RANBP2: variants seen among roughly 807,000 people sequenced by gnomAD.
RANBP2 encodes the protein RAN binding protein 2.
Under a neutral mutation model 303.6 loss-of-function variants are expected in RANBP2, and 57 were observed. That is an observed-to-expected ratio of 0.19 (90% confidence interval 0.15 to 0.23). RANBP2 has a LOEUF of 0.23. Among genes scored for constraint, RANBP2 ranks in the 10% least tolerant of loss-of-function variants. The pLI is 1.00. For synonymous variants in RANBP2, 1,167 were observed against 1,301.5 expected (o/e 0.90, Z 2.23); for missense variants, 3,138 against 3,780.8 (o/e 0.83, Z 4.46).
At chr2:109,338,701 G>T in the RANBP2 span, among the ~76,000 whole-genome samples, 1 of 152,156 alleles carries the variant, frequency 6.6e-6, no homozygotes, top group Non-Finnish European at 1.5e-5. Context: ...GTGACTACAG[G>T]CATGCGCCAC....
the RANBP2 span, among the ~76,000 whole-genome samples, chr2:109,065,526 G>A: frequency 1.3e-5 from 2 of 152,156 alleles, no homozygotes; most frequent in African/African-American, 2.4e-5. Flanking sequence ...TGGATCATGC[G>A]CAGCCCCAAG....
the RANBP2 span, among the ~76,000 whole-genome samples, chr2:109,529,526 A>C: frequency 6.6e-6 from 1 of 152,198 alleles, no homozygotes; most frequent in African/African-American, 2.4e-5. Flanking sequence ...CAGCAGAGCA[A>C]TAGGGTGCTG....
intron 23 of RANBP2, among the ~76,000 whole-genome samples, chr2:108,774,086 A>G (rs888386215): frequency 6.6e-6 from 1 of 152,236 alleles, no homozygotes; most frequent in Non-Finnish European, 1.5e-5. Context: ...ATTTTTAACT[A>G]TTGATACAAT....
At chr2:109,172,600 T>A in the RANBP2 span, among the ~76,000 whole-genome samples, 2 of 152,172 alleles carry the variant, frequency 1.3e-5, no homozygotes, top group African/African-American at 4.8e-5. Context: ...CCACCCAGGC[T>A]GGTGTTTTGA....
At chr2:108,787,856 A>G (rs985521021), downstream of RANBP2, 4 of 189,510 alleles carry the variant, frequency 2.1e-5, no homozygotes, top group Non-Finnish European at 3.9e-5. Context: ...GGGGAGGAAC[A>G]TGACGTTGGT....
At chr2:109,698,923 A>C in the RANBP2 span, among the ~76,000 whole-genome samples, 1 of 152,234 alleles carries the variant, frequency 6.6e-6, no homozygotes, top group East Asian at 1.9e-4. Flanking sequence ...ACTCCGTCTC[A>C]AAAAGAAAGA....
At chr2:108,761,519 CAG>C (rs1257053595) in intron 18 of RANBP2, among the ~76,000 whole-genome samples, 2 of 152,158 alleles carry the variant, frequency 1.3e-5, no homozygotes, top group African/African-American at 4.8e-5. Flanking sequence ...ACACACAAAA[CAG>C]AGGGAGCAGA....
At chr2:109,678,110 C>T in the RANBP2 span, among the ~76,000 whole-genome samples, 1 of 152,230 alleles carries the variant, frequency 6.6e-6, no homozygotes, top group African/African-American at 2.4e-5. Flanking sequence ...AACACCTCCC[C>T]ACTGTTCCAT....
chr2:108,962,477 T>C, the RANBP2 span, among the ~76,000 whole-genome samples: 1 of 151,684 alleles, frequency 6.6e-6, no homozygotes, highest in African/African-American at 2.4e-5. Flanking sequence ...ATCGAGACCA[T>C]CCTGGCGAAC....
At chr2:109,078,081 T>TAC in the RANBP2 span, among the ~76,000 whole-genome samples, 1 of 7,948 alleles carries the variant, frequency 1.3e-4, no homozygotes, top group African/African-American at 2.4e-4. Context: ...CAGATGAATA[T>TAC]ATATATATAT....
chr2:108,961,088 G>C, the RANBP2 span, among the ~76,000 whole-genome samples: 7 of 152,236 alleles, frequency 4.6e-5, no homozygotes, highest in Admixed American at 3.3e-4. Context: ...CATGGATGCA[G>C]AAATGCTCGG....
the RANBP2 span, among the ~76,000 whole-genome samples, chr2:109,413,520 A>G: frequency 1.3e-5 from 2 of 150,762 alleles, no homozygotes; most frequent in East Asian, 3.9e-4. Context: ...CTGTCTGTCT[A>G]CCTCTGTCTC....
At chr2:109,318,083 C>T in the RANBP2 span, among the ~76,000 whole-genome samples, 5 of 142,692 alleles carry the variant, frequency 3.5e-5, no homozygotes, top group South Asian at 2.2e-4. Flanking sequence ...GCCATGAGCA[C>T]GCTGAATTTC....
At chr2:109,416,736 A>G in the RANBP2 span, among the ~76,000 whole-genome samples, 1 of 151,732 alleles carries the variant, frequency 6.6e-6, no homozygotes, top group Admixed American at 6.6e-5. Flanking sequence ...TCTCAATACA[A>G]CAACAACAAC....
At chr2:109,096,995 C>A in the RANBP2 span, among the ~76,000 whole-genome samples, 13 of 152,074 alleles carry the variant, frequency 8.5e-5, no homozygotes, top group Non-Finnish European at 1.3e-4. Flanking sequence ...GGCTTCCCCC[C>A]ACCCACCAAA....
the RANBP2 span, among the ~76,000 whole-genome samples, chr2:109,117,998 T>A: frequency 1.3e-5 from 2 of 152,156 alleles, no homozygotes; most frequent in African/African-American, 4.8e-5. Context: ...TGGCTCACTC[T>A]CCAGGGTTGC....
the RANBP2 span, among the ~76,000 whole-genome samples, chr2:109,029,341 G>T: frequency 6.6e-6 from 1 of 152,068 alleles, no homozygotes; most frequent in Non-Finnish European, 1.5e-5. Flanking sequence ...AGCTAGTAAA[G>T]CATCCAGGAG....
chr2:109,044,104 G>A, the RANBP2 span, among the ~76,000 whole-genome samples: 1 of 152,156 alleles, frequency 6.6e-6, no homozygotes, highest in African/African-American at 2.4e-5. Context: ...AATTCCAACT[G>A]TGCTTAGAAG....
chr2:108,924,394 G>T, the RANBP2 span, among the ~76,000 whole-genome samples: 1 of 152,184 alleles, frequency 6.6e-6, no homozygotes, highest in African/African-American at 2.4e-5. Context: ...CCTAGCCTGG[G>T]CCCATTTTCC....
Sources: gnomAD v4.1 joint callset for allele counts (sites outside exome capture counted in the v4.1 genomes callset) on GRCh38, gnomAD v4.1.1 for gene constraint, MANE v1.5 for transcripts, NCBI Gene and HGNC (gene_info 2026-07-23, HGNC 2026-07-21) for gene names.